ADGRL1: variants seen among roughly 807,000 people sequenced by gnomAD.
ADGRL1 encodes CIRL-1.
In ADGRL1, 31 loss-of-function variants were observed where a neutral mutation model predicts 148.9. The ratio of observed to expected loss-of-function variants is 0.21; its 90% CI spans 0.16 to 0.28. The LOEUF (loss-of-function observed/expected upper bound fraction) is 0.28, where lower values mean the gene tolerates loss of function less well. Among genes scored for constraint, ADGRL1 ranks in the 10% least tolerant of loss-of-function variants. ADGRL1 has a pLI of 1.00. For synonymous variants in ADGRL1, 937 were observed against 900.3 expected, an observed-to-expected ratio of 1.04 and a Z score of -0.73; for missense variants, 1,521 against 2,058.8, an observed-to-expected ratio of 0.74 and a Z score of 5.05.
Position 14,158,038 on chromosome 19 carries a change from G to A in ADGRL1, c.2379C>T (p.Phe793=). ...TVAHLEDKNH[F]NANCSFWNYS... is the part of the protein sequence containing the mutation. The stretch of plus-strand genomic sequence containing the variant: ...AGTTCCAGAAGGAGCAGTTAGCATT[G>A]AAGTGGTTCTTGTCCTGTTGTGTGG... The change falls in exon 13 of 23, where the codon TTC becomes TTT. Residue 793 remains phenylalanine (F), a synonymous_variant. Coordinates refer to ENST00000361434, the MANE Select transcript of ADGRL1 (RefSeq NM_014921.5). 6.2e-7 allele frequency: 1 copy of A among 1,614,162 alleles called. No individual in the cohort carries two copies. Among genetic ancestry groups the A allele is most frequent in the Non-Finnish European group, 8.5e-7 (1 of 1,180,006 alleles).
intron 2 of ADGRL1, among the ~76,000 whole-genome samples, chr19:14,183,212 A>AGAGAGC (rs1049459391): frequency 0.027 from 4,108 of 151,120 alleles, 193 homozygotes; most frequent in African/African-American, 0.093. Flanking sequence ...AGAGAGAGAG[A>AGAGAGC]GAGAGCGAGA....
chr19:14,164,875 G>A (rs2144785665), intron 4 of ADGRL1, among the ~76,000 whole-genome samples: 1 of 152,258 alleles, frequency 6.6e-6, no homozygotes, highest in African/African-American at 2.4e-5. Flanking sequence ...CATCCAGGAT[G>A]GCCGGGCCTC....
At chr19:14,185,475 A>G (rs1276384007) in intron 1 of ADGRL1, among the ~76,000 whole-genome samples, 2 of 152,014 alleles carry the variant, frequency 1.3e-5, no homozygotes, top group Middle Eastern at 3.2e-3. Context: ...AAAATGTCTT[A>G]TAGAGACAGG....
In ADGRL1 at chr19:14,160,135, A is replaced by C; in HGVS notation, c.1777T>G (p.Ser593Ala). The stretch of plus-strand genomic sequence containing the variant: ...ACCTTGTTGTAGTTCTTGCCGGCTG[A>C]CTCGCGCTCGATGGGCCGCAGGGCC... ...LQALRPIERESAGKNYNKMHK... is the reference protein window; with the variant it reads ...LQALRPIEREAAGKNYNKMHK... The change falls in exon 8 of 23, where the codon TCA (serine) becomes GCA (alanine). Residue 593 changes from serine to alanine, a missense_variant. By Grantham distance (99) the Ser-to-Ala change is moderately conservative. This residue lies in a region of ADGRL1 where 265 missense variants were observed against 431.9 expected (regional missense o/e 0.61). Transcript: ENST00000361434. The surrounding 1 kb of genome is among the most constrained non-coding windows in gnomAD (Gnocchi z 5.9). 1 of 1,585,958 alleles carries C rather than the reference A, an allele frequency of 6.3e-7. No individual in the cohort carries two copies. The highest frequency in any genetic ancestry group is 8.6e-7 in the Non-Finnish European group (1 of 1,157,916).
At chr19:14,184,539 C>T (rs1488653663) in intron 1 of ADGRL1, among the ~76,000 whole-genome samples, 1 of 151,490 alleles carries the variant, frequency 6.6e-6, no homozygotes. Context: ...CTCAAGGAAT[C>T]CTCCCACCTC....
rs764437509 is a variant in ADGRL1, at chr19:14,160,066, GCAGGCGCCCTCCC to G, written c.1800+33_1800+45del. On this transcript the variant is annotated intron_variant, in intron 8 of 22. Transcript: ENST00000361434. The surrounding 1 kb of genome is among the most constrained non-coding windows in gnomAD (Gnocchi z 5.9). ...TCAGGTACTTCCCAAGCCCCTGGGG[GCAGGCGCCCTCCC>G]CATACCAGGTCAGCGCCACCGCCAG... is the stretch of plus-strand genomic sequence containing the variant. 2 of 1,529,958 alleles carry G rather than the reference GCAGGCGCCCTCCC, an allele frequency of 1.3e-6. No individual in the cohort carries two copies. The highest frequency in any genetic ancestry group is 1.8e-6 in the Non-Finnish European group (2 of 1,134,628). 94.8% of individuals were successfully genotyped at this position (1,529,958 alleles called of 1,614,324 possible). A position where few individuals can be genotyped will look rare whatever the true frequency, so the allele number is the denominator to read the frequency against.
chr19:14,198,466 T>C (rs898128999), intron 1 of ADGRL1, among the ~76,000 whole-genome samples: 5 of 152,186 alleles, frequency 3.3e-5, no homozygotes, highest in African/African-American at 9.7e-5. Context: ...ACCTTGCTGG[T>C]TGCCTCCTGG....
Position 14,158,292 on chromosome 19 carries a change from G to A in ADGRL1, c.2364+46C>T, listed in dbSNP as rs199941026. 1.4e-4 allele frequency: 214 copies of A among 1,582,486 alleles called. 1 individual carries two copies. The highest frequency in any genetic ancestry group is 1.6e-5 in the Non-Finnish European group (18 of 1,154,062). On this transcript the variant is annotated intron_variant, in intron 12 of 22. Transcript: ENST00000361434. The stretch of plus-strand genomic sequence containing the variant: ...GGCAGGTACACAGCCTGGGAACACA[G>A]AGGGTACAGGGACCCCCATGGAGGG...
Position 14,160,810 on chromosome 19 carries a change from G to A in ADGRL1, c.1511-114C>T, listed in dbSNP as rs1011999567. ...AGTGGGGGACGAGCGGGCGAAGAGGGAGGTGAGGGAAACACGGAGAAACAG... is the reference window on the plus strand; with the variant it reads ...AGTGGGGGACGAGCGGGCGAAGAGGAAGGTGAGGGAAACACGGAGAAACAG... On this transcript the variant is annotated intron_variant, in intron 6 of 22. Transcript: ENST00000361434. The surrounding 1 kb of genome is among the most constrained non-coding windows in gnomAD (Gnocchi z 5.9). 1.4e-6 allele frequency: 1 copy of A among 713,792 alleles called. No individual in the cohort carries two copies. Among genetic ancestry groups the A allele is most frequent in the African/African-American group, 1.7e-5 (1 of 57,654 alleles). 44.2% of individuals were successfully genotyped at this position (713,792 alleles called of 1,614,324 possible).
intron 2 of ADGRL1, among the ~76,000 whole-genome samples, chr19:14,182,020 C>T (rs548969091): frequency 8.5e-5 from 13 of 152,234 alleles, no homozygotes; most frequent in Non-Finnish European, 1.8e-4. Flanking sequence ...TTGTACCACA[C>T]GGGGATGGAG....
chr19:14,175,181 GGACT>G (rs1275321385), intron 3 of ADGRL1, among the ~76,000 whole-genome samples: 3 of 152,144 alleles, frequency 2.0e-5, no homozygotes, highest in Admixed American at 6.6e-5. Flanking sequence ...AGCTCTACAT[GGACT>G]GACTGTGGGT....
intron 4 of ADGRL1, among the ~76,000 whole-genome samples, chr19:14,165,162 G>T (rs1969833307): frequency 6.6e-6 from 1 of 152,176 alleles, no homozygotes; most frequent in Non-Finnish European, 1.5e-5. Context: ...TGGCTCAGGG[G>T]CCCCCTGGCA....
Position 14,161,500 on chromosome 19 carries a change from G to C in ADGRL1, c.1322C>G (p.Ala441Gly). ...CAGATCAGGTCCCAGCTGGTTGATGGCACCCACTGGGTGCGTGGTGAGGGG... is the reference window on the plus strand; with the variant it reads ...CAGATCAGGTCCCAGCTGGTTGATGCCACCCACTGGGTGCGTGGTGAGGGG... ...RAPLTTHPVGAINQLGPDLPP... is the reference protein window; with the variant it reads ...RAPLTTHPVGGINQLGPDLPP... The change falls in exon 6 of 23, where the codon GCC becomes GGC. Residue 441 changes from alanine to glycine, a missense_variant. Transcript: ENST00000361434. This position sits in a 1 kb window ranked among gnomAD's most constrained non-coding sequence, Gnocchi z 4.4. 1 of 1,437,150 alleles carries C rather than the reference G, an allele frequency of 7.0e-7. No homozygotes were observed. Among genetic ancestry groups the C allele is most frequent in the Non-Finnish European group, 9.1e-7 (1 of 1,093,248 alleles). 89.0% of individuals were successfully genotyped at this position (1,437,150 alleles called of 1,614,324 possible).
chr19:14,160,362 G>T lies in ADGRL1; in HGVS notation c.1615-65C>A. 1.4e-6 allele frequency: 2 copies of T among 1,452,894 alleles called. No homozygotes were observed. Among genetic ancestry groups the T allele is most frequent in the Non-Finnish European group, 1.9e-6 (2 of 1,065,932 alleles). 90.0% of individuals were successfully genotyped at this position (1,452,894 alleles called of 1,614,324 possible). On this transcript the variant is annotated intron_variant, in intron 7 of 22. Transcript: ENST00000361434. This position sits in a 1 kb window ranked among gnomAD's most constrained non-coding sequence, Gnocchi z 5.9. The stretch of plus-strand genomic sequence containing the variant: ...GTCAGGGACCATCCTGCCCTCCCCG[G>T]CTTCCCTGGCCTGTGCAGCCTCTCC...
In ADGRL1 at chr19:14,170,730, G is replaced by A. The variant is rs758770474; in HGVS notation, c.346C>T (p.Pro116Ser). Residue 116 changes from proline to serine, a missense_variant, in exon 4 of 23, where the codon CCT becomes TCT. By Grantham distance (74) the Pro-to-Ser change is moderately conservative (BLOSUM62 -1). Coordinates refer to ENST00000361434, the MANE Select transcript of ADGRL1 (RefSeq NM_014921.5). ...AGSDAFPDPC[P>S]GTYKYLEVQY... ...ACCTCCAGGTACTTGTAGGTCCCAG[G>A]ACAGGGGTCAGGAAAGGCATCCGAG... 6 of 1,613,456 alleles carry A rather than the reference G, an allele frequency of 3.7e-6. No individual in the cohort carries two copies. Among genetic ancestry groups the A allele is most frequent in the Non-Finnish European group, 4.2e-6 (5 of 1,179,634 alleles).
rs569059104 is a variant in ADGRL1, at chr19:14,163,084, G to A, written c.717C>T (p.Ser239=). The change falls in exon 5 of 23, where the codon AGC becomes AGT. Residue 239 remains serine, a synonymous_variant. Coordinates refer to ENST00000361434, the MANE Select transcript of ADGRL1 (RefSeq NM_014921.5). ...TGGCGGTATTGATGACCGTCTCCCCGCTCTTGATGCGCGTCCGTAGGTCAT... is the reference window on the plus strand; with the variant it reads ...TGGCGGTATTGATGACCGTCTCCCCACTCTTGATGCGCGTCCGTAGGTCAT... ...VKYDLRTRIK[S]GETVINTANY... The A allele has an allele frequency of 4.3e-5, 69 of 1,614,076 alleles. No homozygotes were observed. Among genetic ancestry groups the A allele is most frequent in the South Asian group, 8.8e-5 (8 of 91,088 alleles).
chr19:14,197,799 C>T (rs1254133639), intron 1 of ADGRL1, among the ~76,000 whole-genome samples: 1 of 152,108 alleles, frequency 6.6e-6, no homozygotes, highest in Admixed American at 6.5e-5. Flanking sequence ...TGTTGCATAC[C>T]CAACCCTGGG....
intron 16 of ADGRL1, 65 bp from the exon 17 acceptor site, chr19:14,156,266 GC>G: frequency 4.6e-6 from 6 of 1,290,938 alleles, no homozygotes; most frequent in Non-Finnish European, 5.6e-6. Flanking sequence ...GAGCACTGAG[GC>G]TAGGGCCCAG....
At chr19:14,198,435 C>T (rs1172115348) in intron 1 of ADGRL1, among the ~76,000 whole-genome samples, 1 of 152,178 alleles carries the variant, frequency 6.6e-6, no homozygotes, top group East Asian at 1.9e-4. Flanking sequence ...TTCCACCAAG[C>T]ACTGGCTGCT....
Sources: allele counts gnomAD v4.1 joint callset (sites outside exome capture counted in the v4.1 genomes callset), GRCh38; gene constraint gnomAD v4.1.1; regional missense constraint gnomAD v4.1.1; non-coding constraint Gnocchi (gnomAD v3.1); transcripts MANE v1.5; gene names NCBI Gene and HGNC (gene_info 2026-07-23, HGNC 2026-07-21).